CALN1: variants seen among roughly 807,000 people sequenced by gnomAD.
CALN1 encodes the protein calcium-binding protein 8.
A neutral mutation model predicts 30.6 loss-of-function variants in CALN1; 17 were observed. The observed-to-expected ratio is 0.56, with a 90% confidence interval of 0.38 to 0.83. The LOEUF (loss-of-function observed/expected upper bound fraction) is 0.83. Among genes scored for constraint, CALN1 ranks in the 40% least tolerant of loss-of-function variants. CALN1 has a pLI of 0.00. For synonymous variants in CALN1, 156 were observed against 131.4 expected, an observed-to-expected ratio of 1.19 and a Z score of -1.28; for missense variants, 291 against 354.9, an observed-to-expected ratio of 0.82 and a Z score of 1.45.
At chr7:72,096,050 T>TAGAC (rs1307751076) in intron 4 of CALN1, among the ~76,000 whole-genome samples, 14 of 144,822 alleles carry the variant, frequency 9.7e-5, no homozygotes, top group South Asian at 2.2e-4. Context: ...AAAAGATAGA[T>TAGAC]AGATAGATAG....
chr7:72,021,091 C>A (rs1284269884), intron 5 of CALN1, among the ~76,000 whole-genome samples: 2 of 151,932 alleles, frequency 1.3e-5, no homozygotes, highest in Non-Finnish European at 2.9e-5. Context: ...GGCAACATAG[C>A]AAGACACCAT....
the CALN1 span, among the ~76,000 whole-genome samples, chr7:72,501,948 T>TATAAAC: frequency 2.8e-5 from 2 of 72,366 alleles, no homozygotes; most frequent in Non-Finnish European, 2.4e-5. Flanking sequence ...TATATATATA[T>TATAAAC]ACACACATAT....
intron 5 of CALN1, among the ~76,000 whole-genome samples, chr7:71,966,679 T>TA (rs1397429799): frequency 2.6e-5 from 4 of 152,176 alleles, no homozygotes; most frequent in South Asian, 2.1e-4. Context: ...AAGAGCCAAT[T>TA]AAACCTCTCT....
chr7:72,388,457 C>G (rs2944810), intron 2 of CALN1, among the ~76,000 whole-genome samples: 1 of 152,164 alleles, frequency 6.6e-6, no homozygotes. Context: ...CCGAGGAAAT[C>G]TGCCTAAATC....
At chr7:71,963,950 C>G (rs1167379877) in intron 5 of CALN1, among the ~76,000 whole-genome samples, 1 of 152,124 alleles carries the variant, frequency 6.6e-6, no homozygotes, top group African/African-American at 2.4e-5. Context: ...CTTATCCCCT[C>G]TGATATACTG....
chr7:71,846,843 AT>A (rs1790272938), intron 5 of CALN1, among the ~76,000 whole-genome samples: 1 of 140,210 alleles, frequency 7.1e-6, no homozygotes, highest in East Asian at 2.1e-4. Flanking sequence ...ACATGTGTAT[AT>A]ATTATATATG....
chr7:72,468,297 T>G, the CALN1 span, among the ~76,000 whole-genome samples: 7 of 152,190 alleles, frequency 4.6e-5, no homozygotes, highest in East Asian at 1.9e-4. Flanking sequence ...GGTAATTCTG[T>G]GTTCAACTGC....
intron 2 of CALN1, among the ~76,000 whole-genome samples, chr7:72,323,259 C>G (rs1230326317): frequency 6.6e-6 from 1 of 152,096 alleles, no homozygotes; most frequent in Non-Finnish European, 1.5e-5. Context: ...TAACCCTGCC[C>G]TGGATGAACC....
At chr7:72,161,491 T>A (rs995316829) in intron 3 of CALN1, among the ~76,000 whole-genome samples, 7 of 152,150 alleles carry the variant, frequency 4.6e-5, no homozygotes, top group Non-Finnish European at 8.8e-5. Context: ...GGCAAAAAAA[T>A]TCTATTTGCT....
At chr7:72,161,008 G>A (rs1788068550) in intron 3 of CALN1, among the ~76,000 whole-genome samples, 2 of 152,168 alleles carry the variant, frequency 1.3e-5, no homozygotes. Flanking sequence ...TTAAACAGAA[G>A]CTGGCAGGGA....
intron 2 of CALN1, among the ~76,000 whole-genome samples, chr7:72,366,856 A>C (rs1368834770): frequency 6.6e-6 from 1 of 152,000 alleles, no homozygotes; most frequent in East Asian, 1.9e-4. Flanking sequence ...ACATGCTCAC[A>C]AAAGACATGC....
At chr7:71,956,966 G>A (rs1374696055) in intron 5 of CALN1, among the ~76,000 whole-genome samples, 1 of 152,118 alleles carries the variant, frequency 6.6e-6, no homozygotes, top group East Asian at 1.9e-4. Context: ...CCAAAGTGCT[G>A]GGATTACAGG....
chr7:72,478,887 C>CTTTTTTTTTTTTTTTTTTTTTT, the CALN1 span, among the ~76,000 whole-genome samples: 1 of 139,376 alleles, frequency 7.2e-6, no homozygotes, highest in African/African-American at 2.9e-5. Flanking sequence ...CGAACCACTT[C>CTTTTTTTTTTTTTTTTTTTTTT]TTTTTTTTTT....
At chr7:71,862,778 G>A (rs967374769) in intron 5 of CALN1, among the ~76,000 whole-genome samples, 2 of 152,112 alleles carry the variant, frequency 1.3e-5, no homozygotes, top group Non-Finnish European at 2.9e-5. Flanking sequence ...TCTAAGTAAG[G>A]CAATATGGTT....
intron 2 of CALN1, among the ~76,000 whole-genome samples, chr7:72,333,585 T>A (rs566988382): frequency 6.6e-6 from 1 of 152,004 alleles, no homozygotes; most frequent in East Asian, 1.9e-4. Flanking sequence ...CTGGTTGCAC[T>A]GCTTAATGGT....
intron 1 of CALN1, among the ~76,000 whole-genome samples, chr7:72,430,752 C>A (rs1414066298): frequency 1.3e-5 from 2 of 152,090 alleles, no homozygotes; most frequent in Admixed American, 1.3e-4. Context: ...GTATCCTGTT[C>A]CGGAAGGTGT....
chr7:71,976,336 G>A (rs1195119526), intron 5 of CALN1, among the ~76,000 whole-genome samples: 1 of 152,140 alleles, frequency 6.6e-6, no homozygotes, highest in Non-Finnish European at 1.5e-5. Context: ...ACCTTCCAGG[G>A]ACCCTTCCTT....
At chr7:72,119,317 T>C (rs1022614024) in intron 3 of CALN1, among the ~76,000 whole-genome samples, 1 of 150,604 alleles carries the variant, frequency 6.6e-6, no homozygotes, top group Non-Finnish European at 1.5e-5. Flanking sequence ...AGAGGACTTA[T>C]GCAGGGAAAC....
At chr7:72,091,777 C>A (rs1237401947) in intron 4 of CALN1, among the ~76,000 whole-genome samples, 1 of 152,172 alleles carries the variant, frequency 6.6e-6, no homozygotes, top group African/African-American at 2.4e-5. Context: ...CAAATTATTG[C>A]AATGAAGGAA....
Sources: gnomAD v4.1 joint callset for allele counts (sites outside exome capture counted in the v4.1 genomes callset) on GRCh38, gnomAD v4.1.1 for gene constraint, MANE v1.5 for transcripts, NCBI Gene and HGNC (gene_info 2026-07-23, HGNC 2026-07-21) for gene names.